MB21D2: variants seen among roughly 807,000 people sequenced by gnomAD.
MB21D2 encodes the protein Mab-21 domain containing 2.
Under a neutral mutation model 33.3 loss-of-function variants are expected in MB21D2, and 9 were observed. The observed-to-expected ratio is 0.27, with a 90% CI of 0.16 to 0.47. MB21D2 has a LOEUF of 0.47. Ranked by LOEUF, MB21D2 falls within the 20% of genes least tolerant of loss-of-function variation. The probability of loss-of-function intolerance (pLI) is 0.99; values close to 1 mark genes in which losing one functional copy is unlikely to be tolerated. For synonymous variants in MB21D2, 241 were observed against 236.3 expected (o/e 1.02, Z -0.18); for missense variants, 540 against 624.6 (o/e 0.86, Z 1.44).
chr3:192,828,591 C>CATATATAT (rs58394740), intron 1 of MB21D2, among the ~76,000 whole-genome samples: 1 of 54,142 alleles, frequency 1.8e-5, no homozygotes, highest in Non-Finnish European at 3.9e-5. Context: ...TCACCCCCCC[C>CATATATAT]ATATATATAT....
intron 1 of MB21D2, among the ~76,000 whole-genome samples, chr3:192,872,445 G>A (rs941585445): frequency 1.1e-4 from 17 of 151,594 alleles, no homozygotes; most frequent in African/African-American, 2.2e-4. Flanking sequence ...ACGTGGTGGC[G>A]AGCGCCTGTA....
intron 1 of MB21D2, among the ~76,000 whole-genome samples, chr3:192,847,157 A>G (rs1010983775): frequency 2.0e-5 from 3 of 152,174 alleles, no homozygotes; most frequent in Non-Finnish European, 2.9e-5. Context: ...CACTCACACG[A>G]TTATTTGTCA....
chr3:192,835,255 C>A (rs1186548279), intron 1 of MB21D2, among the ~76,000 whole-genome samples: 1 of 148,986 alleles, frequency 6.7e-6, no homozygotes, highest in Non-Finnish European at 1.5e-5. Flanking sequence ...GAGATCAAGA[C>A]CATCCTGGCT....
intron 1 of MB21D2, among the ~76,000 whole-genome samples, chr3:192,833,033 C>A (rs1712355692): frequency 6.7e-6 from 1 of 149,732 alleles, no homozygotes. Flanking sequence ...AATCTTTTTC[C>A]TTTAGACCTT....
At chr3:192,855,104 C>A (rs1175404957) in intron 1 of MB21D2, among the ~76,000 whole-genome samples, 1 of 151,384 alleles carries the variant, frequency 6.6e-6, no homozygotes, top group Non-Finnish European at 1.5e-5. Flanking sequence ...AGCAATAATT[C>A]TTTTTTTTTC....
intron 1 of MB21D2, among the ~76,000 whole-genome samples, chr3:192,814,629 A>G (rs567321505): frequency 2.6e-4 from 40 of 152,184 alleles, no homozygotes; most frequent in East Asian, 1.5e-3. Flanking sequence ...TTGGGAGGCC[A>G]AGGTGGGCAG....
chr3:192,809,720 G>A (rs1711745657), intron 1 of MB21D2, among the ~76,000 whole-genome samples: 5 of 152,178 alleles, frequency 3.3e-5, no homozygotes, highest in Admixed American at 3.3e-4. Context: ...GAGCAAATGG[G>A]TCAAGGATCA....
At chr3:192,902,691 C>T (rs904801462) in intron 1 of MB21D2, among the ~76,000 whole-genome samples, 3 of 152,134 alleles carry the variant, frequency 2.0e-5, no homozygotes, top group African/African-American at 7.2e-5. Flanking sequence ...TTCTTTGAAT[C>T]CTATTACAAC....
chr3:192,813,417 T>C (rs1711835744), intron 1 of MB21D2, among the ~76,000 whole-genome samples: 1 of 152,104 alleles, frequency 6.6e-6, no homozygotes, highest in African/African-American at 2.4e-5. Context: ...CCTTCAGGAC[T>C]ATTTCATTCT....
intron 1 of MB21D2, among the ~76,000 whole-genome samples, chr3:192,836,206 C>CA (rs1372589744): frequency 6.6e-6 from 1 of 152,168 alleles, no homozygotes; most frequent in Admixed American, 6.5e-5. Context: ...GAGATAATCT[C>CA]AGAGCATGTT....
chr3:192,859,828 A>G (rs902138072), intron 1 of MB21D2, among the ~76,000 whole-genome samples: 3 of 152,230 alleles, frequency 2.0e-5, no homozygotes, highest in Non-Finnish European at 2.9e-5. Context: ...ATGTGGAGGA[A>G]ACAATATGGA....
At chr3:192,892,175 A>G (rs949924460) in intron 1 of MB21D2, among the ~76,000 whole-genome samples, 22 of 152,226 alleles carry the variant, frequency 1.4e-4, no homozygotes, top group Admixed American at 1.3e-4. Flanking sequence ...ATCGTGCTAC[A>G]TAACAACCCC....
intron 1 of MB21D2, among the ~76,000 whole-genome samples, chr3:192,846,513 T>G (rs576160073): frequency 1.3e-5 from 2 of 152,174 alleles, no homozygotes; most frequent in Non-Finnish European, 2.9e-5. Flanking sequence ...CACATGTACA[T>G]AAACAAATCC....
intron 1 of MB21D2, among the ~76,000 whole-genome samples, chr3:192,854,335 C>T (rs1416044591): frequency 6.6e-6 from 1 of 152,178 alleles, no homozygotes; most frequent in Non-Finnish European, 1.5e-5. Flanking sequence ...AGATAGAATA[C>T]CAAAAGCCAA....
intron 1 of MB21D2, among the ~76,000 whole-genome samples, chr3:192,917,141 G>A (rs1371022878): frequency 2.0e-5 from 3 of 152,218 alleles, no homozygotes; most frequent in Admixed American, 6.5e-5. Context: ...GACGACAGAA[G>A]CAACTTGTCG....
intron 1 of MB21D2, among the ~76,000 whole-genome samples, chr3:192,891,959 T>C (rs990524862): frequency 1.3e-5 from 2 of 152,122 alleles, no homozygotes; most frequent in African/African-American, 2.4e-5. Context: ...ACCTGCACTT[T>C]TACTGCTTGG....
chr3:192,871,486 T>C lies in MB21D2; in HGVS notation c.211+46144A>G, dbSNP rs370757159. On this transcript the variant is annotated intron_variant, in intron 1 of 1. Coordinates refer to ENST00000392452, the MANE Select transcript of MB21D2 (RefSeq NM_178496.4). ...ACAGAGTCTGTCCTCATGGAGATTA[T>C]GTTCTATAAAGAAGAGCTGATATTG... 1.1e-4 allele frequency among the ~76,000 whole-genome samples: 17 copies of C among 152,308 alleles called. No individual in the cohort carries two copies. In the East Asian group the frequency reaches 1.2e-3, roughly 10 times the overall value.
rs765311794 is a variant in MB21D2 at position 192,917,853 on chromosome 3, G to C, written c.-13C>G. On this transcript the variant is annotated 5_prime_UTR_variant, in exon 1 of 2. Coordinates refer to ENST00000392452, the MANE Select transcript of MB21D2 (RefSeq NM_178496.4). The stretch of plus-strand genomic sequence containing the variant: ...CCGCCATCTTCATGCAAAACGCGCC[G>C]AGTAGCAGCTCCGCGGCAGCGCGGC... The C allele has an allele frequency of 6.2e-6, 10 of 1,603,866 alleles. No individual in the cohort carries two copies. In the Admixed American group the frequency reaches 1.3e-4, roughly 21 times the overall value.
intron 1 of MB21D2, among the ~76,000 whole-genome samples, chr3:192,828,809 C>T (rs1224326987): frequency 2.0e-5 from 3 of 150,252 alleles, no homozygotes; most frequent in Non-Finnish European, 3.0e-5. Flanking sequence ...CCATCACACC[C>T]GGCTAATTTT....
Sources: allele counts gnomAD v4.1 joint callset (sites outside exome capture counted in the v4.1 genomes callset), GRCh38; gene constraint gnomAD v4.1.1; transcripts MANE v1.5; gene names NCBI Gene and HGNC (gene_info 2026-07-23, HGNC 2026-07-21).